The following KLF12 variants were observed in gnomAD, a reference collection of about 807,000 sequenced individuals.
KLF12 encodes the protein Krueppel-like factor 12.
In KLF12, 9 loss-of-function variants were observed where a neutral mutation model predicts 37.8. That is an observed-to-expected ratio of 0.24 (90% CI 0.14 to 0.42). KLF12 has a LOEUF of 0.42. Among genes scored for constraint, KLF12 ranks in the 10% least tolerant of loss-of-function variants. The probability of loss-of-function intolerance (pLI) is 1.00; values close to 1 mark genes in which losing one functional copy is unlikely to be tolerated. For synonymous variants in KLF12, 208 were observed against 202.1 expected (o/e 1.03, Z -0.25); for missense variants, 411 against 516.0 (o/e 0.80, Z 1.97).
chr13:74,042,327 G>A (rs1205203076), intron 1 of KLF12, among the ~76,000 whole-genome samples: 4 of 151,508 alleles, frequency 2.6e-5, no homozygotes, highest in Non-Finnish European at 5.9e-5. Flanking sequence ...AAAAAATGAG[G>A]TTATCTACTG....
Position 73,887,511 on chromosome 13 carries a change from C to T in KLF12, c.124-41138G>A, listed in dbSNP as rs537148016. 7.9e-5 allele frequency among the ~76,000 whole-genome samples: 12 copies of T among 152,268 alleles called. No homozygotes were observed. In the East Asian group the frequency reaches 2.3e-3, roughly 29 times the overall value. On this transcript the variant is annotated intron_variant, in intron 3 of 7. Coordinates refer to ENST00000377669, the MANE Select transcript of KLF12 (RefSeq NM_007249.5). ...CACCCCATGTTAAACGGCTACTTCC[C>T]TTTGCCTTCCACCATTACTGTAAGG...
chr13:73,792,878 C>A (rs1341269159), intron 5 of KLF12, among the ~76,000 whole-genome samples: 2 of 152,154 alleles, frequency 1.3e-5, no homozygotes, highest in Non-Finnish European at 2.9e-5. Flanking sequence ...TACATTACTG[C>A]GGCTGTACAT....
chr13:74,116,389 G>A (rs757110650), intron 1 of KLF12, among the ~76,000 whole-genome samples: 14 of 152,142 alleles, frequency 9.2e-5, no homozygotes, highest in Admixed American at 6.5e-4. Context: ...TTCTTTATAC[G>A]TGGCCATGAA....
chr13:74,003,635 C>CCA (rs1332130011), intron 1 of KLF12, among the ~76,000 whole-genome samples: 1 of 152,086 alleles, frequency 6.6e-6, no homozygotes, highest in African/African-American at 2.4e-5. Flanking sequence ...ATGTCATGTT[C>CCA]CACACGATTC....
intron 4 of KLF12, among the ~76,000 whole-genome samples, chr13:73,817,334 GA>G (rs1883284891): frequency 1.2e-5 from 1 of 84,650 alleles, no homozygotes; most frequent in Non-Finnish European, 2.6e-5. Context: ...AAAAAGAAAA[GA>G]AAAAAAAGAA....
At chr13:73,730,289 C>T (rs1051926914) in intron 6 of KLF12, among the ~76,000 whole-genome samples, 2 of 152,166 alleles carry the variant, frequency 1.3e-5, no homozygotes, top group Admixed American at 1.3e-4. Flanking sequence ...ACTCCACCCC[C>T]ATCTCAACTG....
At chr13:73,869,485 T>C (rs556888150) in intron 3 of KLF12, among the ~76,000 whole-genome samples, 11 of 152,236 alleles carry the variant, frequency 7.2e-5, no homozygotes, top group Admixed American at 4.6e-4. Context: ...TTCCAACAAG[T>C]ATAGCAATAT....
intron 1 of KLF12, among the ~76,000 whole-genome samples, chr13:74,006,423 G>A (rs958798689): frequency 6.6e-6 from 1 of 151,978 alleles, no homozygotes; most frequent in East Asian, 1.9e-4. Flanking sequence ...CACCACCCCA[G>A]GTAACTCCCA....
intron 3 of KLF12, among the ~76,000 whole-genome samples, chr13:73,889,100 G>C (rs546736230): frequency 6.6e-6 from 1 of 152,254 alleles, no homozygotes; most frequent in South Asian, 2.1e-4. Flanking sequence ...TATAATTTCT[G>C]GTAGAATCCA....
chr13:73,930,582 T>A (rs907828160), intron 3 of KLF12, among the ~76,000 whole-genome samples: 1 of 152,212 alleles, frequency 6.6e-6, no homozygotes, highest in Non-Finnish European at 1.5e-5. Context: ...CAGTAACAAT[T>A]GTTTTTAGTA....
At chr13:74,132,897 G>A (rs187920082) in intron 1 of KLF12, among the ~76,000 whole-genome samples, 1 of 152,270 alleles carries the variant, frequency 6.6e-6, no homozygotes, top group African/African-American at 2.4e-5. Context: ...TCCCCGTAGG[G>A]GAGCATCTAA....
chr13:74,232,554 A>G, the KLF12 span, among the ~76,000 whole-genome samples: 1 of 152,214 alleles, frequency 6.6e-6, no homozygotes, highest in African/African-American at 2.4e-5. Context: ...AAAAAAGGAT[A>G]AGTACTTTTT....
chr13:74,102,168 A>G (rs527810535), intron 1 of KLF12, among the ~76,000 whole-genome samples: 1 of 151,396 alleles, frequency 6.6e-6, no homozygotes, highest in South Asian at 2.1e-4. Context: ...CAGTGAGCCA[A>G]GATTGCACCA....
At chr13:74,151,405 C>A in the KLF12 span, among the ~76,000 whole-genome samples, 1 of 152,100 alleles carries the variant, frequency 6.6e-6, no homozygotes, top group Admixed American at 6.5e-5. Context: ...GATCCGAGCA[C>A]TTAGGGAGCC....
At chr13:73,782,880 G>A (rs1376366616) in intron 5 of KLF12, among the ~76,000 whole-genome samples, 1 of 152,186 alleles carries the variant, frequency 6.6e-6, no homozygotes, top group African/African-American at 2.4e-5. Context: ...TGTGGCTTGT[G>A]TTTACAAAGT....
intron 1 of KLF12, among the ~76,000 whole-genome samples, chr13:74,022,070 C>A (rs958613882): frequency 2.0e-5 from 3 of 152,102 alleles, no homozygotes; most frequent in African/African-American, 7.2e-5. Context: ...TGCTTTAAAT[C>A]TGATCTTTTT....
chr13:74,127,721 A>G (rs1056742349), intron 1 of KLF12, among the ~76,000 whole-genome samples: 1 of 152,264 alleles, frequency 6.6e-6, no homozygotes, highest in Non-Finnish European at 1.5e-5. Flanking sequence ...TATTCAATAA[A>G]TGTACAAATA....
At chr13:73,699,112 T>C (rs1874352970) in intron 7 of KLF12, among the ~76,000 whole-genome samples, 1 of 151,976 alleles carries the variant, frequency 6.6e-6, no homozygotes, top group African/African-American at 2.4e-5. Flanking sequence ...TAATCCCAGC[T>C]ACTTGGGAAG....
the KLF12 span, among the ~76,000 whole-genome samples, chr13:74,213,996 T>C: frequency 6.6e-6 from 1 of 152,346 alleles, no homozygotes; most frequent in East Asian, 1.9e-4. Context: ...TTTTGTTGAA[T>C]TCATGGTCAT....
Sources: allele counts gnomAD v4.1 joint callset (sites outside exome capture counted in the v4.1 genomes callset), GRCh38; gene constraint gnomAD v4.1.1; transcripts MANE v1.5; gene names NCBI Gene and HGNC (gene_info 2026-07-23, HGNC 2026-07-21).